Variants in CABP1 observed in about 807,000 individuals in gnomAD.
CABP1 encodes calcium binding protein 1.
Under a neutral mutation model 34.3 loss-of-function variants are expected in CABP1, and 17 were observed. The ratio of observed to expected loss-of-function variants is 0.50; its 90% confidence interval spans 0.34 to 0.74. CABP1 has a LOEUF of 0.74. Ranked by LOEUF, CABP1 falls within the 30% of genes least tolerant of loss-of-function variation. The probability of loss-of-function intolerance (pLI) is 0.01; values close to 1 mark genes in which losing one functional copy is unlikely to be tolerated. For synonymous variants in CABP1, 198 were observed against 229.2 expected, an observed-to-expected ratio of 0.86 and a Z score of 1.23; for missense variants, 373 against 511.1, an observed-to-expected ratio of 0.73 and a Z score of 2.61.
intron 1 of CABP1, chr12:120,656,151 C>T (rs780351377): frequency 3.7e-6 from 6 of 1,613,720 alleles, no homozygotes; most frequent in South Asian, 3.3e-5. Context: ...GAGGGGCTGG[C>T]GGCTGACGCC....
chr12:120,641,194 G>T lies in CABP1; in HGVS notation c.509G>T (p.Gly170Val). The change falls in exon 1 of 6, where the codon GGG (glycine) becomes GTG (valine). Residue 170 changes from glycine (G) to valine (V), a missense_variant. By Grantham distance (109) the Gly-to-Val change is moderately radical (BLOSUM62 -3). This residue lies in a region of CABP1 where 121 missense variants were observed against 125.5 expected (regional missense o/e 0.96). Coordinates refer to ENST00000316803, the MANE Select transcript of CABP1 (RefSeq NM_001033677.2). This position sits in a 1 kb window ranked among gnomAD's most constrained non-coding sequence, Gnocchi z 6.7. ...CTGCCGCCGGCCCGCGGGCGGGATG[G>T]GGAGGAACGGGGACTGTCCCCGGCG... ...SPLPPARGRD[G>V]EERGLSPALG... 1 of 1,242,134 alleles carries T rather than the reference G, an allele frequency of 8.1e-7. No homozygotes were observed. The highest frequency in any genetic ancestry group is 3.6e-5 in the South Asian group (1 of 28,060). The allele number at this position is 1,242,134 out of a possible 1,614,324, so 76.9% of individuals were successfully genotyped here.
intron 1 of CABP1, among the ~76,000 whole-genome samples, chr12:120,645,457 G>T (rs1379004686): frequency 6.6e-6 from 1 of 152,150 alleles, no homozygotes; most frequent in Non-Finnish European, 1.5e-5. Context: ...AGTGGACAAA[G>T]TGTCTTCTTA....
Position 120,660,977 on chromosome 12 carries a change from G to T in CABP1, c.940-94G>T. Reference sequence around the variant, plus strand: ...ACAGAGAAAGGTCTCTGGTAAAGGGGGGCAATGACACTGGAGAAGGAGCTC... The same window carrying T: ...ACAGAGAAAGGTCTCTGGTAAAGGGTGGCAATGACACTGGAGAAGGAGCTC... On this transcript the variant is annotated intron_variant, in intron 4 of 5. Transcript: ENST00000316803. This position sits in a 1 kb window ranked among gnomAD's most constrained non-coding sequence, Gnocchi z 5.0. 1 of 1,466,166 alleles carries T rather than the reference G, an allele frequency of 6.8e-7. No homozygotes were observed. 90.8% of individuals were successfully genotyped at this position (1,466,166 alleles called of 1,614,324 possible). A position where few individuals can be genotyped will look rare whatever the true frequency, so the allele number is the denominator to read the frequency against.
intron 1 of CABP1, chr12:120,655,433 A>T: frequency 1.6e-6 from 1 of 622,946 alleles, no homozygotes; most frequent in Non-Finnish European, 2.1e-6. Flanking sequence ...CTAGCCACAC[A>T]CGAAAAAGGA....
At chr12:120,654,762 T>G (rs1390739549) in intron 1 of CABP1, among the ~76,000 whole-genome samples, 1 of 152,196 alleles carries the variant, frequency 6.6e-6, no homozygotes, top group Non-Finnish European at 1.5e-5. Flanking sequence ...TGGGGAGAAC[T>G]GAATGTTGTG....
rs145631192 is a variant in CABP1 at position 120,656,626 on chromosome 12, C to T, written c.655-3252C>T. 5.3e-3 allele frequency among the ~76,000 whole-genome samples: 808 copies of T among 152,208 alleles called. 9 individuals carry two copies. Among genetic ancestry groups the T allele is most frequent in the African/African-American group, 0.019 (776 of 41,518 alleles). ...GAAAACTGACTTGGGCTGGGCGCAG[C>T]GGCTCACGCCTGTAATCCCAGCACT... is the stretch of plus-strand genomic sequence containing the variant. On this transcript the variant is annotated intron_variant, in intron 1 of 5. Transcript: ENST00000316803.
Position 120,667,086 on chromosome 12 carries a change from A to G in CABP1, c.*186A>G. The G allele has an allele frequency of 1.5e-6, 1 of 647,916 alleles. No individual in the cohort carries two copies. Among genetic ancestry groups the G allele is most frequent in the East Asian group, 2.9e-5 (1 of 34,422 alleles). 40.1% of individuals were successfully genotyped at this position (647,916 alleles called of 1,614,324 possible). A position where few individuals can be genotyped will look rare whatever the true frequency, so the allele number is the denominator to read the frequency against. ...CGCACTGTGAAAGACTAACTCCTGC[A>G]ACTGGAAAGCGGGGGCGCCCGCCGA... On this transcript the variant is annotated 3_prime_UTR_variant, in exon 6 of 6. Transcript: ENST00000316803.
intron 5 of CABP1, among the ~76,000 whole-genome samples, chr12:120,664,034 G>A (rs1243665372): frequency 6.6e-6 from 1 of 152,242 alleles, no homozygotes; most frequent in Non-Finnish European, 1.5e-5. Context: ...AGGGAGCGTG[G>A]ATAGTTGGAG....
rs1879312448 is a variant in CABP1 at position 120,641,364 on chromosome 12, G to T, written c.654+25G>T. 2.4e-6 allele frequency: 3 copies of T among 1,260,474 alleles called. No homozygotes were observed. The highest frequency in any genetic ancestry group is 5.8e-5 in the South Asian group (2 of 34,322). 78.1% of individuals were successfully genotyped at this position (1,260,474 alleles called of 1,614,324 possible). ...GGTAAGGGCCGCGCCTCCCGTCAGC[G>T]CTCCCGGGAAAGGCGCTCGGGACCC... On this transcript the variant is annotated intron_variant, in intron 1 of 5. Coordinates refer to ENST00000316803, the MANE Select transcript of CABP1 (RefSeq NM_001033677.2). The surrounding 1 kb of genome is among the most constrained non-coding windows in gnomAD (Gnocchi z 6.7).
intron 1 of CABP1, chr12:120,655,570 G>A (rs1448204689): frequency 1.6e-6 from 2 of 1,268,210 alleles, no homozygotes; most frequent in Non-Finnish European, 2.0e-6. Flanking sequence ...TCTCCATGCT[G>A]CCAGCTCCGA....
downstream of CABP1, among the ~76,000 whole-genome samples, chr12:120,672,051 G>A (rs139618948): frequency 3.2e-4 from 48 of 152,144 alleles, no homozygotes; most frequent in African/African-American, 4.8e-4. Context: ...CTGGACAACC[G>A]AGCGAGACCC....
rs374014771 is a variant in CABP1 at position 120,666,034 on chromosome 12, A to C, written c.1088-841A>C. Among the ~76,000 whole-genome samples, 29 of 149,748 alleles carry C rather than the reference A, an allele frequency of 1.9e-4. No homozygotes were observed. The East Asian group carries it at 5.7e-3, about 30-fold the overall frequency. ...CTCTGTCTCAAAAAAAAAAAAAAGA[A>C]AAGAGAGAGAGAGAAGGGGCTGGGC... is the stretch of plus-strand genomic sequence containing the variant. On this transcript the variant is annotated intron_variant, in intron 5 of 5. Coordinates refer to ENST00000316803, the MANE Select transcript of CABP1 (RefSeq NM_001033677.2).
chr12:120,646,541 G>T (rs1292060004), intron 1 of CABP1, among the ~76,000 whole-genome samples: 2 of 152,096 alleles, frequency 1.3e-5, no homozygotes, highest in Non-Finnish European at 2.9e-5. Context: ...AAGAGACAAG[G>T]TCTTGCTCTG....
chr12:120,649,249 T>C (rs1879694458), intron 1 of CABP1, among the ~76,000 whole-genome samples: 1 of 151,702 alleles, frequency 6.6e-6, no homozygotes, highest in Non-Finnish European at 1.5e-5. Context: ...CTAACAGGAG[T>C]TCTGAGCAGC....
At chr12:120,676,306 G>A in the CABP1 span, among the ~76,000 whole-genome samples, 1 of 152,222 alleles carries the variant, frequency 6.6e-6, no homozygotes, top group African/African-American at 2.4e-5. Flanking sequence ...AGGGGCAGCT[G>A]ACAAGTAACC....
At chr12:120,645,613 T>C (rs771332930) in intron 1 of CABP1, among the ~76,000 whole-genome samples, 49 of 152,224 alleles carry the variant, frequency 3.2e-4, no homozygotes, top group Non-Finnish European at 5.6e-4. Flanking sequence ...GTGGATCACT[T>C]GAGGTCAGGA....
At chr12:120,656,904 A>G (rs749332694) in intron 1 of CABP1, among the ~76,000 whole-genome samples, 2 of 152,184 alleles carry the variant, frequency 1.3e-5, no homozygotes, top group Admixed American at 1.3e-4. Flanking sequence ...CAAAAAAGAA[A>G]GAAAGAAAGA....
At chr12:120,656,365 ACC>A in intron 1 of CABP1, 1 of 1,228,536 alleles carries the variant, frequency 8.1e-7, no homozygotes, top group Non-Finnish European at 1.1e-6. Context: ...CAGAGCTCAC[ACC>A]CCCAACTTAT....
chr12:120,641,310 C>A lies in CABP1; in HGVS notation c.625C>A (p.Arg209Ser). Residue 209 changes from arginine to serine, a missense_variant, in exon 1 of 6, where the codon CGC becomes AGC. Arg to Ser is a moderately radical substitution (Grantham distance 110). Coordinates refer to ENST00000316803, the MANE Select transcript of CABP1 (RefSeq NM_001033677.2). The surrounding 1 kb of genome is among the most constrained non-coding windows in gnomAD (Gnocchi z 6.7). ...SEADPFLHRL[R>S]PMLSSAFGQD... ...GGCGGACCCGTTCCTCCACCGGCTGCGCCCCATGCTCAGCTCCGCCTTTGG... is the reference window on the plus strand; with the variant it reads ...GGCGGACCCGTTCCTCCACCGGCTGAGCCCCATGCTCAGCTCCGCCTTTGG... 1.5e-6 allele frequency: 2 copies of A among 1,332,290 alleles called. No individual in the cohort carries two copies. The highest frequency in any genetic ancestry group is 1.9e-6 in the Non-Finnish European group (2 of 1,042,936). The allele number at this position is 1,332,290 out of a possible 1,614,324, so 82.5% of individuals were successfully genotyped here. A position where few individuals can be genotyped will look rare whatever the true frequency, so the allele number is the denominator to read the frequency against.
Sources: allele counts gnomAD v4.1 joint callset (sites outside exome capture counted in the v4.1 genomes callset), GRCh38; gene constraint gnomAD v4.1.1; regional missense constraint gnomAD v4.1.1; non-coding constraint Gnocchi (gnomAD v3.1); transcripts MANE v1.5; gene names NCBI Gene and HGNC (gene_info 2026-07-23, HGNC 2026-07-21).